Variants in ALDH1L1 observed in about 807,000 individuals in gnomAD.
ALDH1L1 encodes the protein aldehyde dehydrogenase 1 family member L1, also known as cytosolic 10-formyltetrahydrofolate dehydrogenase.
A neutral mutation model predicts 101.1 loss-of-function variants in ALDH1L1; 68 were observed. The observed-to-expected ratio is 0.67, with a 90% CI of 0.55 to 0.82. ALDH1L1 has a LOEUF of 0.82. Among genes scored for constraint, ALDH1L1 ranks in the 40% least tolerant of loss-of-function variants. ALDH1L1 has a pLI of 0.00. For missense variants in ALDH1L1, 1,087 were observed against 1,172.7 expected (o/e 0.93, Z 1.07); for synonymous variants, 486 against 470.8 (o/e 1.03, Z -0.42).
chr3:126,150,253 T>C lies in ALDH1L1; in HGVS notation c.984+153A>G, dbSNP rs1379288059. 1.5e-4 allele frequency among the ~76,000 whole-genome samples: 23 copies of C among 152,134 alleles called. 1 individual carries two copies. ...GAGCAGCAAGAAGACAACAGAAAGC[T>C]CCAAGACGAGATAGAACCAACACTG... On this transcript the variant is annotated intron_variant, in intron 8 of 22. Coordinates refer to ENST00000393434, the MANE Select transcript of ALDH1L1 (RefSeq NM_012190.4).
chr3:126,111,217 C>T (rs1001245493), intron 19 of ALDH1L1, among the ~76,000 whole-genome samples: 15 of 152,216 alleles, frequency 9.9e-5, no homozygotes, highest in Non-Finnish European at 2.1e-4. Context: ...GTTTCCTCAC[C>T]CCTTGAATCT....
intron 7 of ALDH1L1, 115 bp downstream of exon 7, chr3:126,153,329 T>A (rs1022850858): frequency 2.0e-6 from 3 of 1,522,644 alleles, no homozygotes; most frequent in Non-Finnish European, 2.7e-6. Context: ...CCTTCCTGGG[T>A]CTGGTTTTTT....
chr3:126,111,407 C>T (rs1001194694), intron 19 of ALDH1L1, among the ~76,000 whole-genome samples: 3 of 152,254 alleles, frequency 2.0e-5, no homozygotes, highest in African/African-American at 7.2e-5. Flanking sequence ...CCCACGAAGC[C>T]ACCCGCTGCC....
chr3:126,130,168 G>T (rs1373816160), intron 14 of ALDH1L1, 55 bp downstream of exon 14: 4 of 1,515,678 alleles, frequency 2.6e-6, no homozygotes, highest in Non-Finnish European at 3.6e-6. Context: ...CTACAGTTCC[G>T]TGTACTGCAT....
chr3:126,114,799 C>CCCCCCCCCCCCCCCCCCCCCCG, intron 17 of ALDH1L1, 143 bp from the exon 18 acceptor site: 1 of 748,472 alleles, frequency 1.3e-6, no homozygotes, highest in Non-Finnish European at 2.4e-6. Context: ...CCACTCCCCC[C>CCCCCCCCCCCCCCCCCCCCCCG]CACCCCTTGC....
At chr3:126,123,565 A>G (rs1315066537) in intron 16 of ALDH1L1, among the ~76,000 whole-genome samples, 1 of 150,346 alleles carries the variant, frequency 6.7e-6, no homozygotes, top group East Asian at 2.0e-4. Context: ...GCCATCACCA[A>G]AACTTTTTCA....
intron 1 of ALDH1L1, among the ~76,000 whole-genome samples, chr3:126,171,464 AAG>A (rs139015304): frequency 0.15 from 23,129 of 152,094 alleles, 1,992 homozygotes; most frequent in African/African-American, 0.24. Flanking sequence ...CTCAGTCTGT[AAG>A]AGAGTGTGCC....
At chr3:126,155,543 C>A in intron 4 of ALDH1L1, 40 bp from the exon 5 acceptor site, 2 of 1,570,060 alleles carry the variant, frequency 1.3e-6, no homozygotes, top group South Asian at 1.2e-5. Flanking sequence ...AGCAATAGGA[C>A]CCTGCCTCCT....
At chr3:126,145,566 G>A (rs1447658) in intron 9 of ALDH1L1, among the ~76,000 whole-genome samples, 37,170 of 152,168 alleles carry the variant, frequency 0.24, 4,555 homozygotes, top group South Asian at 0.28. Context: ...CATGCTAAGC[G>A]TAAAAAGCCA....
chr3:126,182,767 A>C (rs1329764172), upstream of ALDH1L1, among the ~76,000 whole-genome samples: 1 of 152,170 alleles, frequency 6.6e-6, no homozygotes, highest in East Asian at 1.9e-4. Flanking sequence ...ATACTCTTAG[A>C]GGTATGGAGC....
rs2080787159 is a variant in ALDH1L1 at position 126,150,492 on chromosome 3, T to C, written c.898A>G (p.Ile300Val). ...CCCTTAAAGAAGTTCGAGGCCAGGA[T>C]CATTTTGCCATCCTCCAGCTGAATA... ...KNIQLEDGKM[I>V]LASNFFKGAA... is the part of the protein sequence containing the mutation. Residue 300 changes from isoleucine (I) to valine (V), a missense_variant, in exon 8 of 23, where the codon ATC (isoleucine) becomes GTC (valine). By Grantham distance (29) the Ile-to-Val change is conservative. Transcript: ENST00000393434. 7 of 1,551,598 alleles carry C rather than the reference T, an allele frequency of 4.5e-6. No homozygotes were observed. Among genetic ancestry groups the C allele is most frequent in the Non-Finnish European group, 4.4e-6 (5 of 1,146,934 alleles).
chr3:126,188,979 G>T (rs189621547), intron 1 of ALDH1L1, among the ~76,000 whole-genome samples: 1 of 152,144 alleles, frequency 6.6e-6, no homozygotes. Context: ...AGTACCCGAC[G>T]TATTTATTCA....
chr3:126,132,067 C>T lies in ALDH1L1; in HGVS notation c.1473-533G>A, dbSNP rs116572005. Among the ~76,000 whole-genome samples the T allele has an allele frequency of 8.9e-3, 1,349 of 152,360 alleles. 12 individuals are homozygous for T. The highest frequency in any genetic ancestry group is 0.031 in the African/African-American group (1,281 of 41,594). On this transcript the variant is annotated intron_variant, in intron 12 of 22. Transcript: ENST00000393434. Reference sequence around the variant, plus strand: ...CTAGGGAGCAACGTGGGGGCTGACGCGTTTACACAGACTGGCTTCAGCCTG... The same window carrying T: ...CTAGGGAGCAACGTGGGGGCTGACGTGTTTACACAGACTGGCTTCAGCCTG...
At chr3:126,147,853 A>G (rs1186952660) in intron 8 of ALDH1L1, among the ~76,000 whole-genome samples, 1 of 152,230 alleles carries the variant, frequency 6.6e-6, no homozygotes, top group Middle Eastern at 3.4e-3. Context: ...GCGAGCATCA[A>G]CACCACACCA....
chr3:126,165,861 T>A (rs2081157432), intron 1 of ALDH1L1, among the ~76,000 whole-genome samples: 1 of 152,150 alleles, frequency 6.6e-6, no homozygotes, highest in South Asian at 2.1e-4. Context: ...TTATTTTTAT[T>A]TTTTTGAAAA....
chr3:126,124,808 T>G (rs955427258), intron 15 of ALDH1L1, among the ~76,000 whole-genome samples: 4 of 152,256 alleles, frequency 2.6e-5, no homozygotes, highest in Non-Finnish European at 4.4e-5. Flanking sequence ...AGCAAATGTA[T>G]GTAAATTACT....
chr3:126,174,488 G>A (rs2081337600), intron 1 of ALDH1L1, among the ~76,000 whole-genome samples: 3 of 152,154 alleles, frequency 2.0e-5, no homozygotes, highest in African/African-American at 7.2e-5. Context: ...TATTCATCAA[G>A]ACAGACCACA....
chr3:126,119,812 G>A (rs557827593), intron 16 of ALDH1L1, among the ~76,000 whole-genome samples: 3 of 152,290 alleles, frequency 2.0e-5, no homozygotes, highest in South Asian at 4.1e-4. Context: ...TAAAAACTGG[G>A]CAAAAGACAG....
At position 126,180,529 on chromosome 3, in the gene ALDH1L1, C is replaced by T. The variant is rs1428689428; in HGVS notation, c.-77G>A. ...GGGCAGGTTAGACTTCTGTGAGCCGCAGCCCCGAAACTGAGGTTGGTGCAG... is the reference window on the plus strand; with the variant it reads ...GGGCAGGTTAGACTTCTGTGAGCCGTAGCCCCGAAACTGAGGTTGGTGCAG... On this transcript the variant is annotated 5_prime_UTR_variant, in exon 1 of 23. Transcript: ENST00000393434. The T allele has an allele frequency of 1.6e-5, 16 of 1,022,102 alleles. No individual in the cohort carries two copies. The highest frequency in any genetic ancestry group is 1.8e-5 in the Non-Finnish European group (15 of 852,122). The allele number at this position is 1,022,102 out of a possible 1,614,324, so 63.3% of individuals were successfully genotyped here. A position where few individuals can be genotyped will look rare whatever the true frequency, so the allele number is the denominator to read the frequency against.
Sources: allele counts gnomAD v4.1 joint callset (sites outside exome capture counted in the v4.1 genomes callset), GRCh38; gene constraint gnomAD v4.1.1; transcripts MANE v1.5; gene names NCBI Gene and HGNC (gene_info 2026-07-23, HGNC 2026-07-21).